Variants in FOCAD observed in about 807,000 individuals in gnomAD.
FOCAD encodes the protein KIAA1797.
A neutral mutation model predicts 225.6 loss-of-function variants in FOCAD; 198 were observed. The ratio of observed to expected loss-of-function variants is 0.88; its 90% CI spans 0.78 to 0.99. The LOEUF is 0.99. FOCAD is among the 50% of genes least tolerant of loss of function. FOCAD has a pLI of 0.00. For missense variants in FOCAD, 2,713 were observed against 2,123.6 expected (o/e 1.28, Z -5.46); for synonymous variants, 897 against 755.0 (o/e 1.19, Z -3.08).
intron 35 of FOCAD, among the ~76,000 whole-genome samples, chr9:20,964,383 G>T (rs1186664876): frequency 1.3e-5 from 2 of 152,038 alleles, no homozygotes; most frequent in African/African-American, 4.8e-5. Flanking sequence ...GACAGAGTAA[G>T]ACTCTGTCTC....
chr9:20,792,655 C>T (rs1820653299), intron 11 of FOCAD, among the ~76,000 whole-genome samples: 1 of 152,086 alleles, frequency 6.6e-6, no homozygotes, highest in Non-Finnish European at 1.5e-5. Context: ...GTTGTTAAGT[C>T]TAGTTAAAGG....
At chr9:20,756,053 A>G (rs1829015802) in intron 5 of FOCAD, among the ~76,000 whole-genome samples, 1 of 152,138 alleles carries the variant, frequency 6.6e-6, no homozygotes. Flanking sequence ...AGAATTTGTA[A>G]TATTTTTCTT....
chr9:20,939,296 T>G (rs1836381664), intron 28 of FOCAD, among the ~76,000 whole-genome samples: 1 of 152,132 alleles, frequency 6.6e-6, no homozygotes, highest in Non-Finnish European at 1.5e-5. Flanking sequence ...GAGTTGAGAT[T>G]TTGAACCTAA....
In FOCAD at chr9:20,822,336, A is replaced by G. The variant is rs192714409; in HGVS notation, c.1794-653A>G. Among the ~76,000 whole-genome samples the G allele has an allele frequency of 1.1e-4, 17 of 152,178 alleles. 1 individual carries two copies. The highest frequency in any genetic ancestry group is 1.0e-3 in the Admixed American group (16 of 15,246). ...ACATTTTGTTAATAAAAGAAAAGAT[A>G]TTATTGAAAGGAAACAAGGAATTCA... is the stretch of plus-strand genomic sequence containing the variant. On this transcript the variant is annotated intron_variant, in intron 14 of 43. Coordinates refer to ENST00000338382, the MANE Select transcript of FOCAD (RefSeq NM_001375567.1).
Position 20,886,840 on chromosome 9 carries a change from T to C in FOCAD, c.2625+1610T>C, listed in dbSNP as rs116756752. Among the ~76,000 whole-genome samples, 1,088 of 152,296 alleles carry C rather than the reference T, an allele frequency of 7.1e-3. 11 individuals carry two copies. Among genetic ancestry groups the C allele is most frequent in the African/African-American group, 0.025 (1,031 of 41,552 alleles). ...TATGTGACAAGAAATAATATGAACTTTCAGAGCTGGTTAATAAAAATAATT... is the reference window on the plus strand; with the variant it reads ...TATGTGACAAGAAATAATATGAACTCTCAGAGCTGGTTAATAAAAATAATT... On this transcript the variant is annotated intron_variant, in intron 21 of 43. Coordinates refer to ENST00000338382, the MANE Select transcript of FOCAD (RefSeq NM_001375567.1).
chr9:20,724,423 A>G (rs573301253), intron 4 of FOCAD, among the ~76,000 whole-genome samples: 2 of 152,328 alleles, frequency 1.3e-5, no homozygotes, highest in African/African-American at 4.8e-5. Context: ...ATAAGCAAAT[A>G]TAGGAGTTTT....
At chr9:20,948,005 A>G (rs1227894531) in intron 30 of FOCAD, among the ~76,000 whole-genome samples, 3 of 152,140 alleles carry the variant, frequency 2.0e-5, no homozygotes, top group Non-Finnish European at 2.9e-5. Context: ...AAGCTGCTCA[A>G]TAGTGCAGTA....
At chr9:20,703,246 T>C (rs1198279912) in intron 1 of FOCAD, among the ~76,000 whole-genome samples, 2 of 152,044 alleles carry the variant, frequency 1.3e-5, no homozygotes, top group Non-Finnish European at 2.9e-5. Flanking sequence ...AACAGCTTAT[T>C]TGAACAATTG....
intron 5 of FOCAD, among the ~76,000 whole-genome samples, chr9:20,754,592 C>T (rs1037523094): frequency 4.0e-5 from 6 of 151,280 alleles, no homozygotes; most frequent in East Asian, 1.9e-4. Flanking sequence ...ATGCTTTCTT[C>T]GGTGATGTGC....
intron 1 of FOCAD, among the ~76,000 whole-genome samples, chr9:20,691,993 ACCCG>A: frequency 6.7e-6 from 1 of 149,420 alleles, no homozygotes; most frequent in Middle Eastern, 3.5e-3. Context: ...AAAATGATCC[ACCCG>A]CCTTGGCCTC....
At chr9:20,796,943 T>C (rs1429429309) in intron 11 of FOCAD, among the ~76,000 whole-genome samples, 2 of 152,234 alleles carry the variant, frequency 1.3e-5, no homozygotes, top group Non-Finnish European at 2.9e-5. Context: ...GTTTTTATGG[T>C]TTTAGGTCTA....
chr9:20,879,296 G>A (rs947792551), intron 19 of FOCAD, among the ~76,000 whole-genome samples: 2 of 152,058 alleles, frequency 1.3e-5, no homozygotes, highest in Admixed American at 6.6e-5. Context: ...CCCTCCCCAG[G>A]ATTAGGCTTT....
At chr9:20,735,892 T>C (rs2131632692) in intron 4 of FOCAD, among the ~76,000 whole-genome samples, 1 of 152,006 alleles carries the variant, frequency 6.6e-6, no homozygotes, top group African/African-American at 2.4e-5. Flanking sequence ...TATTATAAAA[T>C]CACTCTTTCA....
At chr9:20,710,229 ATT>A (rs749860355) in intron 1 of FOCAD, among the ~76,000 whole-genome samples, 9 of 102,242 alleles carry the variant, frequency 8.8e-5, no homozygotes, top group Non-Finnish European at 5.7e-5. Context: ...AGTAGCTGAG[ATT>A]TTTTTTTTTT....
chr9:20,659,770 G>A (rs990436203), intron 2 of FOCAD, among the ~76,000 whole-genome samples: 7 of 152,220 alleles, frequency 4.6e-5, no homozygotes, highest in African/African-American at 1.4e-4. Context: ...CATTTTGATG[G>A]CATTGTGAAA....
chr9:20,663,946 G>T (rs1198342147), intron 2 of FOCAD, among the ~76,000 whole-genome samples: 1 of 152,076 alleles, frequency 6.6e-6, no homozygotes, highest in East Asian at 1.9e-4. Flanking sequence ...ACTAGTGGAT[G>T]ATGTCTTTTA....
chr9:20,831,527 A>C (rs1825491450), intron 15 of FOCAD, among the ~76,000 whole-genome samples: 1 of 152,092 alleles, frequency 6.6e-6, no homozygotes. Context: ...GGTGTTAAGT[A>C]CACTAAATGT....
chr9:20,820,736 C>G (rs1305164093), intron 13 of FOCAD, among the ~76,000 whole-genome samples: 1 of 152,082 alleles, frequency 6.6e-6, no homozygotes, highest in Non-Finnish European at 1.5e-5. Context: ...CCACTTTCTT[C>G]TTGTTTTATG....
intron 21 of FOCAD, among the ~76,000 whole-genome samples, chr9:20,901,382 T>A (rs770073592): frequency 2.0e-5 from 3 of 151,872 alleles, no homozygotes; most frequent in Non-Finnish European, 4.4e-5. Flanking sequence ...TAACAGCAAA[T>A]ACTTAGTTTA....
Sources: gnomAD v4.1 joint callset for allele counts (sites outside exome capture counted in the v4.1 genomes callset) on GRCh38, gnomAD v4.1.1 for gene constraint, MANE v1.5 for transcripts, NCBI Gene and HGNC (gene_info 2026-07-23, HGNC 2026-07-21) for gene names.